The following PRKCZ variants were observed in gnomAD, a reference collection of about 807,000 sequenced individuals.
PRKCZ encodes the protein protein kinase C zeta.
A neutral mutation model predicts 79.5 loss-of-function variants in PRKCZ; 33 were observed. The ratio of observed to expected loss-of-function variants is 0.41; its 90% CI spans 0.31 to 0.55. The LOEUF is 0.55. Ranked by LOEUF, PRKCZ falls within the 20% of genes least tolerant of loss-of-function variation. The pLI is 0.19. For synonymous variants in PRKCZ, 342 were observed against 320.9 expected (o/e 1.07, Z -0.70); for missense variants, 578 against 813.5 (o/e 0.71, Z 3.52).
At chr1:2,136,070 G>T (rs1054492923) in intron 5 of PRKCZ, among the ~76,000 whole-genome samples, 51 of 152,144 alleles carry the variant, frequency 3.4e-4, no homozygotes, top group African/African-American at 1.2e-3. Context: ...CACAGGAGCG[G>T]TGGCCCTGGG....
In PRKCZ at chr1:2,172,249, C is replaced by A; in HGVS notation, c.1198-52C>A. The stretch of plus-strand genomic sequence containing the variant: ...CGCATGTGCGTCTCGGGGCGCCTGT[C>A]CCGCGGGGTAGTGTCTACAAGAACC... On this transcript the variant is annotated intron_variant, in intron 12 of 17. Coordinates refer to ENST00000378567, the MANE Select transcript of PRKCZ (RefSeq NM_002744.6). This position sits in a 1 kb window ranked among gnomAD's most constrained non-coding sequence, Gnocchi z 7.8. The A allele has an allele frequency of 6.2e-6, 10 of 1,613,424 alleles. No individual in the cohort carries two copies. Among genetic ancestry groups the A allele is most frequent in the Non-Finnish European group, 8.5e-6 (10 of 1,180,008 alleles).
intron 4 of PRKCZ, among the ~76,000 whole-genome samples, chr1:2,109,588 C>A (rs1475689640): frequency 6.6e-6 from 1 of 152,202 alleles, no homozygotes; most frequent in Non-Finnish European, 1.5e-5. Flanking sequence ...TCACACGGGG[C>A]CGAGTGGCTT....
Position 2,156,102 on chromosome 1 carries a change from A to G in PRKCZ, c.974+10A>G. 1 of 1,601,904 alleles carries G rather than the reference A, an allele frequency of 6.2e-7. No individual in the cohort carries two copies. On this transcript the variant is annotated intron_variant, in intron 10 of 17. Coordinates refer to ENST00000378567, the MANE Select transcript of PRKCZ (RefSeq NM_002744.6). ...TCCAGACGACAAGTCGGTAAGAAAA[A>G]GAAGGGTATTTCTGATATTCTGCAG...
At chr1:2,118,383 G>A (rs1234942411) in intron 4 of PRKCZ, among the ~76,000 whole-genome samples, 2 of 150,152 alleles carry the variant, frequency 1.3e-5, no homozygotes, top group Non-Finnish European at 3.0e-5. Flanking sequence ...TGTCCCCCAG[G>A]CTGGAGTGCA....
intron 4 of PRKCZ, among the ~76,000 whole-genome samples, chr1:2,112,367 C>G (rs1361248702): frequency 6.6e-6 from 1 of 152,196 alleles, no homozygotes; most frequent in Non-Finnish European, 1.5e-5. Flanking sequence ...AGGCGGCCCG[C>G]GAACCTCTGA....
intron 4 of PRKCZ, among the ~76,000 whole-genome samples, chr1:2,105,964 CCT>C (rs1319442802): frequency 1.3e-5 from 2 of 152,208 alleles, no homozygotes; most frequent in African/African-American, 2.4e-5. Context: ...AGTGGCACCC[CCT>C]GAGGATGAGG....
At chr1:2,055,686 T>C in intron 2 of PRKCZ, 124 bp downstream of exon 2, 1 of 1,399,534 alleles carries the variant, frequency 7.1e-7, no homozygotes, top group Non-Finnish European at 9.5e-7. Context: ...ATTAAACTTG[T>C]TGGCGCCAAC....
At chr1:2,121,364 C>G (rs568218300) in intron 4 of PRKCZ, among the ~76,000 whole-genome samples, 1 of 151,494 alleles carries the variant, frequency 6.6e-6, no homozygotes, top group East Asian at 1.9e-4. Context: ...TGTGTGTCTC[C>G]CCAGAATCCA....
intron 4 of PRKCZ, among the ~76,000 whole-genome samples, chr1:2,107,154 C>T (rs532169478): frequency 2.0e-5 from 3 of 152,352 alleles, no homozygotes; most frequent in South Asian, 2.1e-4. Flanking sequence ...GACCGGGGTG[C>T]GGAGCACTGG....
At chr1:2,069,106 G>A (rs1317881398) in intron 4 of PRKCZ, among the ~76,000 whole-genome samples, 3 of 152,186 alleles carry the variant, frequency 2.0e-5, no homozygotes, top group Non-Finnish European at 2.9e-5. Context: ...TTCTGCAGTC[G>A]CTTGTCCTTA....
chr1:2,056,714 G>T (rs1660196189), intron 3 of PRKCZ, 141 bp downstream of exon 3: 2 of 719,712 alleles, frequency 2.8e-6, no homozygotes, highest in African/African-American at 1.9e-5. Flanking sequence ...ATGCCATTTG[G>T]GTTTTTTTCT....
intron 10 of PRKCZ, among the ~76,000 whole-genome samples, chr1:2,160,965 G>T (rs548388254): frequency 7.1e-6 from 1 of 141,316 alleles, no homozygotes; most frequent in Admixed American, 6.8e-5. Context: ...CGCCGTCGGG[G>T]TGGAGGCAGT....
In PRKCZ at chr1:2,132,396, C is replaced by T. The variant is rs373931237; in HGVS notation, c.335-2866C>T. On this transcript the variant is annotated intron_variant, in intron 4 of 17. Coordinates refer to ENST00000378567, the MANE Select transcript of PRKCZ (RefSeq NM_002744.6). Reference sequence around the variant, plus strand: ...TTTGACGGAGCAGCAGTGGGGCTGCCGGGCCCTAGGGGGAGCAAATGGTCC... The same window carrying T: ...TTTGACGGAGCAGCAGTGGGGCTGCTGGGCCCTAGGGGGAGCAAATGGTCC... Among the ~76,000 whole-genome samples, 45 of 152,312 alleles carry T rather than the reference C, an allele frequency of 3.0e-4. No individual in the cohort carries two copies. In the East Asian group the frequency reaches 7.9e-3, roughly 27 times the overall value.
At chr1:2,151,686 C>T (rs185075291) in intron 9 of PRKCZ, among the ~76,000 whole-genome samples, 15 of 152,082 alleles carry the variant, frequency 9.9e-5, no homozygotes, top group East Asian at 1.9e-4. Context: ...TTTTTGGAAA[C>T]GGTCTTACTC....
At chr1:2,171,947 A>T in intron 11 of PRKCZ, 108 bp from the exon 12 acceptor site, 1 of 1,338,878 alleles carries the variant, frequency 7.5e-7, no homozygotes, top group Non-Finnish European at 1.0e-6. Context: ...CATTGAGAGG[A>T]TGCCGGGCCC....
intron 4 of PRKCZ, among the ~76,000 whole-genome samples, chr1:2,085,703 C>T (rs1261808429): frequency 3.4e-5 from 4 of 116,860 alleles, no homozygotes; most frequent in Non-Finnish European, 3.7e-5. Flanking sequence ...CTGAGGACGT[C>T]GGGGGGCCCT....
intron 4 of PRKCZ, chr1:2,134,943 G>A (rs572904860): frequency 8.3e-5 from 17 of 204,252 alleles, no homozygotes; most frequent in Non-Finnish European, 1.4e-4. Flanking sequence ...CCCGGCCTGC[G>A]TTGGCCTGGG....
At chr1:2,117,096 T>G (rs755918304) in intron 4 of PRKCZ, among the ~76,000 whole-genome samples, 2 of 151,958 alleles carry the variant, frequency 1.3e-5, no homozygotes, top group South Asian at 2.1e-4. Context: ...ACTACAGGTG[T>G]GCACCACCAT....
intron 4 of PRKCZ, among the ~76,000 whole-genome samples, chr1:2,062,184 C>A (rs927593513): frequency 2.6e-5 from 4 of 152,198 alleles, no homozygotes; most frequent in East Asian, 1.9e-4. Flanking sequence ...AGTATACTTA[C>A]AACTATCATC....
Sources: gnomAD v4.1 joint callset for allele counts (sites outside exome capture counted in the v4.1 genomes callset) on GRCh38, gnomAD v4.1.1 for gene constraint, Gnocchi (gnomAD v3.1) non-coding constraint, MANE v1.5 for transcripts, NCBI Gene and HGNC (gene_info 2026-07-23, HGNC 2026-07-21) for gene names.